ZBTB20: variants seen among roughly 807,000 people sequenced by gnomAD.
The protein encoded by ZBTB20 is zinc finger and BTB domain containing 20.
Under a neutral mutation model 56.9 loss-of-function variants are expected in ZBTB20, and 9 were observed. The observed-to-expected ratio is 0.16, with a 90% CI of 0.10 to 0.28. The LOEUF is 0.28. ZBTB20 is among the 10% of genes least tolerant of loss of function. ZBTB20 has a pLI of 1.00. For synonymous variants in ZBTB20, 417 were observed against 420.7 expected, an observed-to-expected ratio of 0.99 and a Z score of 0.11; for missense variants, 655 against 1,003.0, an observed-to-expected ratio of 0.65 and a Z score of 4.69.
intron 3 of ZBTB20, among the ~76,000 whole-genome samples, chr3:114,971,087 G>A (rs1213266603): frequency 6.6e-6 from 1 of 151,804 alleles, no homozygotes; most frequent in Non-Finnish European, 1.5e-5. Context: ...GTACAATTAT[G>A]AGTATCAAAA....
intron 10 of ZBTB20, among the ~76,000 whole-genome samples, chr3:114,355,752 G>C (rs1380494224): frequency 1.3e-5 from 2 of 152,078 alleles, no homozygotes; most frequent in Non-Finnish European, 2.9e-5. Flanking sequence ...TATTCAGGGA[G>C]TGTATAGGAA....
At chr3:114,710,352 T>G (rs1397309843) in intron 5 of ZBTB20, 2 of 152,150 alleles carry the variant, frequency 1.3e-5, no homozygotes, top group African/African-American at 2.4e-5. Flanking sequence ...AAAACAGAGT[T>G]TGAATCTCCA....
intron 4 of ZBTB20, among the ~76,000 whole-genome samples, chr3:114,850,864 G>T (rs998126042): frequency 6.6e-6 from 1 of 152,130 alleles, no homozygotes; most frequent in African/African-American, 2.4e-5. Context: ...AAATTTTGTG[G>T]ATAGGCACAC....
intron 7 of ZBTB20, among the ~76,000 whole-genome samples, chr3:114,428,542 C>T (rs866139981): frequency 2.0e-5 from 3 of 152,162 alleles, no homozygotes; most frequent in Non-Finnish European, 2.9e-5. Flanking sequence ...ACCTGGCAGG[C>T]TCCTGTGGAG....
chr3:114,973,412 T>A (rs1406432503), intron 3 of ZBTB20, among the ~76,000 whole-genome samples: 2 of 152,112 alleles, frequency 1.3e-5, no homozygotes, highest in African/African-American at 2.4e-5. Context: ...GAGAATGAAG[T>A]TTTTTTCAGT....
chr3:115,021,063 C>CT (rs1241042304), intron 2 of ZBTB20, among the ~76,000 whole-genome samples: 1 of 150,878 alleles, frequency 6.6e-6, no homozygotes, highest in Non-Finnish European at 1.5e-5. Flanking sequence ...TTAGTTACTT[C>CT]TTTAACTTTT....
At chr3:114,992,019 T>A (rs184017009) in intron 2 of ZBTB20, among the ~76,000 whole-genome samples, 1 of 152,104 alleles carries the variant, frequency 6.6e-6, no homozygotes, top group East Asian at 1.9e-4. Flanking sequence ...TATCTCTCTT[T>A]CTCTCCTAAA....
At chr3:114,539,898 C>T (rs1354069630) in intron 6 of ZBTB20, among the ~76,000 whole-genome samples, 1 of 129,266 alleles carries the variant, frequency 7.7e-6, no homozygotes, top group African/African-American at 2.6e-5. Context: ...TTGCTTTCAA[C>T]CCACCTTTTT....
At chr3:114,708,790 T>C (rs2063870520) in intron 5 of ZBTB20, among the ~76,000 whole-genome samples, 1 of 152,170 alleles carries the variant, frequency 6.6e-6, no homozygotes, top group Non-Finnish European at 1.5e-5. Flanking sequence ...GATAGTTGTG[T>C]ACACACAAAG....
At chr3:114,637,254 T>C (rs975409550) in intron 6 of ZBTB20, among the ~76,000 whole-genome samples, 2 of 152,076 alleles carry the variant, frequency 1.3e-5, no homozygotes, top group African/African-American at 4.8e-5. Context: ...ACACTACTTT[T>C]TATTTTTCCA....
At chr3:114,843,234 T>C (rs1005721125) in intron 4 of ZBTB20, among the ~76,000 whole-genome samples, 4 of 152,132 alleles carry the variant, frequency 2.6e-5, no homozygotes, top group Non-Finnish European at 5.9e-5. Flanking sequence ...CTAATACAAG[T>C]ACTATCCAAG....
At chr3:114,384,282 A>G (rs1187538596) in intron 8 of ZBTB20, among the ~76,000 whole-genome samples, 2 of 152,126 alleles carry the variant, frequency 1.3e-5, no homozygotes, top group Non-Finnish European at 2.9e-5. Context: ...AACAACAAAG[A>G]AAGAAACCAG....
intron 5 of ZBTB20, among the ~76,000 whole-genome samples, chr3:114,711,815 T>C (rs1304297326): frequency 6.6e-6 from 1 of 152,166 alleles, no homozygotes; most frequent in Non-Finnish European, 1.5e-5. Flanking sequence ...TCAATAAATG[T>C]TTATTAAACA....
At chr3:115,031,601 G>A (rs1451017096) in intron 2 of ZBTB20, among the ~76,000 whole-genome samples, 2 of 151,222 alleles carry the variant, frequency 1.3e-5, no homozygotes, top group African/African-American at 4.8e-5. Flanking sequence ...TCCTTCTTAT[G>A]TCTTTGTTTC....
intron 6 of ZBTB20, among the ~76,000 whole-genome samples, chr3:114,506,826 T>A (rs925491805): frequency 1.5e-4 from 23 of 152,240 alleles, no homozygotes; most frequent in South Asian, 4.1e-4. Flanking sequence ...TAATAAAAAA[T>A]TTTCCCACTG....
chr3:114,356,802 T>C (rs2081300615), intron 10 of ZBTB20, among the ~76,000 whole-genome samples: 1 of 152,144 alleles, frequency 6.6e-6, no homozygotes, highest in Non-Finnish European at 1.5e-5. Flanking sequence ...AAGGGAGTCC[T>C]GCTGAATCCC....
intron 1 of ZBTB20, among the ~76,000 whole-genome samples, chr3:115,107,276 C>T (rs544145189): frequency 3.3e-5 from 5 of 152,132 alleles, no homozygotes; most frequent in African/African-American, 1.2e-4. Flanking sequence ...AAAAATCAGC[C>T]TTGTATGATG....
chr3:114,373,149 C>T (rs1488518940), intron 10 of ZBTB20, among the ~76,000 whole-genome samples: 1 of 152,178 alleles, frequency 6.6e-6, no homozygotes, highest in South Asian at 2.1e-4. Flanking sequence ...CTCTTGACCT[C>T]ATGATCTGGC....
chr3:114,888,687 A>C (rs1342711232), intron 4 of ZBTB20, among the ~76,000 whole-genome samples: 3 of 152,142 alleles, frequency 2.0e-5, no homozygotes. Flanking sequence ...GACTTGGCAA[A>C]GACCCTAATA....
Sources: gnomAD v4.1 joint callset for allele counts (sites outside exome capture counted in the v4.1 genomes callset) on GRCh38, gnomAD v4.1.1 for gene constraint, MANE v1.5 for transcripts, NCBI Gene and HGNC (gene_info 2026-07-23, HGNC 2026-07-21) for gene names.